SHANK2: variants seen among roughly 807,000 people sequenced by gnomAD.
SHANK2 encodes the protein SH3 and multiple ankyrin repeat domains protein 2.
SHANK2 carries 43 observed loss-of-function variants against 133.7 expected under a neutral mutation model. The observed-to-expected ratio is 0.32, with a 90% confidence interval of 0.25 to 0.41. The LOEUF (loss-of-function observed/expected upper bound fraction) is 0.41. Ranked by LOEUF, SHANK2 falls within the 10% of genes least tolerant of loss-of-function variation. SHANK2 has a pLI of 1.00. For missense variants in SHANK2, 1,994 were observed against 2,235.8 expected (o/e 0.89, Z 2.18); for synonymous variants, 1,017 against 952.8 (o/e 1.07, Z -1.24).
rs1335896822 is a variant in SHANK2 at position 70,599,953 on chromosome 11, AAGAAAGAAAGAAAGAAAG to A, written c.2061+59857_2061+59874del. ...AAAGAAAGAAAGAAAGAAAGAAAGAAAGAAAGAAAGAAAGAAAGAAAATGTATCATGTTCTTGAACAGG... is the reference window on the plus strand; with the variant it reads ...AAAGAAAGAAAGAAAGAAAGAAAGAAAAAATGTATCATGTTCTTGAACAGG... On this transcript the variant is annotated intron_variant, in intron 17 of 25. Transcript: ENST00000601538. 1.2e-3 allele frequency among the ~76,000 whole-genome samples: 159 copies of A among 133,098 alleles called. 7 individuals are homozygous for A. Among genetic ancestry groups the A allele is most frequent in the African/African-American group, 3.6e-3 (108 of 30,254 alleles). 87.3% of individuals were successfully genotyped at this position (133,098 alleles called of 152,430 possible).
chr11:70,545,012 C>G (rs930058294), intron 17 of SHANK2, among the ~76,000 whole-genome samples: 3 of 152,186 alleles, frequency 2.0e-5, no homozygotes, highest in Non-Finnish European at 4.4e-5. Flanking sequence ...CTCTCACATG[C>G]CAAGCACGGG....
intron 11 of SHANK2, among the ~76,000 whole-genome samples, chr11:70,860,386 G>A (rs992272937): frequency 7.2e-5 from 11 of 152,164 alleles, no homozygotes; most frequent in African/African-American, 1.7e-4. Context: ...TTAAGGTGAC[G>A]GGTCTCTTTA....
chr11:70,635,233 T>C (rs1163661057), intron 17 of SHANK2: 1 of 152,234 alleles, frequency 6.6e-6, no homozygotes, highest in Non-Finnish European at 1.5e-5. Context: ...CAGCGGGGTC[T>C]TGAAGAGATA....
chr11:71,092,324 G>A, intron 8 of SHANK2, 98 bp downstream of exon 8: 4 of 1,322,114 alleles, frequency 3.0e-6, no homozygotes, highest in Non-Finnish European at 4.2e-6. Flanking sequence ...CCTGAAGGCA[G>A]GATCTAACCT....
chr11:70,868,223 C>T (rs1349118461), intron 11 of SHANK2, among the ~76,000 whole-genome samples: 2 of 152,042 alleles, frequency 1.3e-5, no homozygotes, highest in East Asian at 3.9e-4. Context: ...GAAGGTGGGT[C>T]GCATAGACAC....
intron 14 of SHANK2, among the ~76,000 whole-genome samples, chr11:70,729,328 T>A (rs1946235428): frequency 6.6e-6 from 1 of 151,880 alleles, no homozygotes; most frequent in Admixed American, 6.5e-5. Context: ...CATGTCCAGA[T>A]ACACATGTCC....
At chr11:70,734,172 G>A (rs778344759) in intron 14 of SHANK2, among the ~76,000 whole-genome samples, 31 of 152,150 alleles carry the variant, frequency 2.0e-4, no homozygotes, top group Admixed American at 4.6e-4. Flanking sequence ...AGGGAGTGCC[G>A]GGCAGCAGGT....
intron 15 of SHANK2, among the ~76,000 whole-genome samples, chr11:70,682,240 C>T (rs1945045182): frequency 6.6e-6 from 1 of 152,150 alleles, no homozygotes; most frequent in Non-Finnish European, 1.5e-5. Context: ...ATGCTGGGTC[C>T]ACCCCACCCC....
intron 10 of SHANK2, among the ~76,000 whole-genome samples, chr11:70,909,193 T>C (rs1213431403): frequency 3.3e-5 from 5 of 152,224 alleles, no homozygotes; most frequent in African/African-American, 1.2e-4. Flanking sequence ...GAAATCTTGA[T>C]AGAAAAGCAA....
At chr11:70,908,104 A>G (rs1555078330) in intron 10 of SHANK2, 5 of 263,800 alleles carry the variant, frequency 1.9e-5, no homozygotes, top group South Asian at 1.1e-4. Flanking sequence ...TCAAAAAAAA[A>G]GAAAAAAAAA....
At chr11:71,251,345 C>A (rs1555125822) in intron 1 of SHANK2, among the ~76,000 whole-genome samples, 1 of 152,200 alleles carries the variant, frequency 6.6e-6, no homozygotes, top group African/African-American at 2.4e-5. Context: ...AGAACCCTGG[C>A]GGCGAGGTCC....
chr11:70,567,867 C>G (rs1554982216), intron 17 of SHANK2, among the ~76,000 whole-genome samples: 1 of 152,210 alleles, frequency 6.6e-6, no homozygotes, highest in East Asian at 1.9e-4. Context: ...ATGCCACACC[C>G]TGGAATAGCT....
At chr11:70,494,851 C>A (rs554293599) in intron 21 of SHANK2, among the ~76,000 whole-genome samples, 39 of 152,332 alleles carry the variant, frequency 2.6e-4, no homozygotes, top group African/African-American at 9.4e-4. Context: ...CCAAGTCCAG[C>A]TGACCAGGCC....
At chr11:70,640,245 TG>T (rs1345171968) in intron 17 of SHANK2, among the ~76,000 whole-genome samples, 2 of 152,202 alleles carry the variant, frequency 1.3e-5, no homozygotes, top group Non-Finnish European at 2.9e-5. Flanking sequence ...ATTACCTGGC[TG>T]GGCCCTAAAC....
chr11:71,231,704 G>A (rs1194965453), intron 1 of SHANK2, among the ~76,000 whole-genome samples: 12 of 152,112 alleles, frequency 7.9e-5, no homozygotes, highest in African/African-American at 2.4e-4. Flanking sequence ...GCCTGGTCAA[G>A]GTAGCGAAAT....
chr11:70,670,971 T>G (rs572986497), intron 15 of SHANK2, among the ~76,000 whole-genome samples: 2 of 152,312 alleles, frequency 1.3e-5, no homozygotes, highest in South Asian at 4.1e-4. Flanking sequence ...GCGGAAGCCA[T>G]TTCTCAAATC....
At chr11:70,678,784 G>A (rs1247981181) in intron 15 of SHANK2, among the ~76,000 whole-genome samples, 6 of 151,524 alleles carry the variant, frequency 4.0e-5, no homozygotes, top group Non-Finnish European at 5.9e-5. Context: ...CTTGTGATCC[G>A]CCCGCCTCGG....
chr11:71,067,093 G>A (rs981192581), intron 9 of SHANK2, among the ~76,000 whole-genome samples: 3 of 152,184 alleles, frequency 2.0e-5, no homozygotes, highest in Non-Finnish European at 2.9e-5. Flanking sequence ...AGAGCTGGGG[G>A]AGGTGAAGGA....
chr11:71,187,325 T>C (rs1555114616), intron 2 of SHANK2, among the ~76,000 whole-genome samples: 2 of 152,190 alleles, frequency 1.3e-5, no homozygotes, highest in Non-Finnish European at 2.9e-5. Flanking sequence ...GGGACAGTTC[T>C]TCACGGGTTT....
Sources: gnomAD v4.1 joint callset for allele counts (sites outside exome capture counted in the v4.1 genomes callset) on GRCh38, gnomAD v4.1.1 for gene constraint, MANE v1.5 for transcripts, NCBI Gene and HGNC (gene_info 2026-07-23, HGNC 2026-07-21) for gene names.